STARD13: variants seen among roughly 807,000 people sequenced by gnomAD.
The protein encoded by STARD13 is StAR related lipid transfer domain containing 13, also known as stAR-related lipid transfer protein 13.
Under a neutral mutation model 106.4 loss-of-function variants are expected in STARD13, and 62 were observed. The ratio of observed to expected loss-of-function variants is 0.58; its 90% CI spans 0.48 to 0.72. The LOEUF is 0.72. Ranked by LOEUF, STARD13 falls within the 30% of genes least tolerant of loss-of-function variation. The pLI is 0.00. For missense variants in STARD13, 1,387 were observed against 1,424.0 expected (o/e 0.97, Z 0.42); for synonymous variants, 565 against 553.0 (o/e 1.02, Z -0.31).
chr13:33,607,553 C>T, the STARD13 span, among the ~76,000 whole-genome samples: 1 of 152,050 alleles, frequency 6.6e-6, no homozygotes, highest in Non-Finnish European at 1.5e-5. Context: ...GCCTCAGCCT[C>T]CCAAAGTGCT....
chr13:33,195,685 T>G (rs934312501), intron 1 of STARD13, among the ~76,000 whole-genome samples: 1 of 152,186 alleles, frequency 6.6e-6, no homozygotes, highest in Admixed American at 6.5e-5. Context: ...TAGGACTTAG[T>G]TCTTTAGACA....
chr13:33,299,294 G>A (rs1211821285), intron 1 of STARD13, among the ~76,000 whole-genome samples: 3 of 152,092 alleles, frequency 2.0e-5, no homozygotes, highest in Non-Finnish European at 2.9e-5. Context: ...TATACACTTA[G>A]GCATATTAAA....
At chr13:33,319,895 G>A (rs917726029) in intron 1 of STARD13, among the ~76,000 whole-genome samples, 3 of 152,222 alleles carry the variant, frequency 2.0e-5, no homozygotes, top group African/African-American at 7.2e-5. Flanking sequence ...AGGCTCTATA[G>A]CATGATACGG....
the STARD13 span, among the ~76,000 whole-genome samples, chr13:33,487,955 C>G: frequency 6.6e-6 from 1 of 152,178 alleles, no homozygotes; most frequent in African/African-American, 2.4e-5. Context: ...GGTCTGTTCT[C>G]TCAGTGCTGG....
the STARD13 span, among the ~76,000 whole-genome samples, chr13:33,397,287 C>T: frequency 6.6e-6 from 1 of 152,130 alleles, no homozygotes; most frequent in African/African-American, 2.4e-5. Flanking sequence ...GGAGCTAGTG[C>T]CTCTCTCAGG....
the STARD13 span, among the ~76,000 whole-genome samples, chr13:33,488,141 G>A: frequency 1.0e-3 from 159 of 152,068 alleles, no homozygotes; most frequent in African/African-American, 3.6e-3. Flanking sequence ...ATTCCCTAAG[G>A]TTCTGTCCTT....
chr13:33,399,406 A>G, the STARD13 span, among the ~76,000 whole-genome samples: 2 of 152,108 alleles, frequency 1.3e-5, no homozygotes, highest in Non-Finnish European at 2.9e-5. Flanking sequence ...TAATCTCTAA[A>G]GCATTAGGCC....
chr13:33,561,631 A>C, the STARD13 span, among the ~76,000 whole-genome samples: 236 of 120,456 alleles, frequency 2.0e-3, 40 homozygotes, highest in Admixed American at 0.016. Context: ...AATACCATGA[A>C]CAGCCGTGAA....
chr13:33,440,748 G>T, the STARD13 span, among the ~76,000 whole-genome samples: 1 of 135,076 alleles, frequency 7.4e-6, no homozygotes, highest in African/African-American at 2.8e-5. Flanking sequence ...CTCTTTCCTT[G>T]AGCTCCAGGA....
chr13:33,127,865 G>T (rs1877455403), intron 5 of STARD13, among the ~76,000 whole-genome samples: 1 of 101,114 alleles, frequency 9.9e-6, no homozygotes, highest in Non-Finnish European at 2.5e-5. Context: ...GTGTGAGTGA[G>T]TGTGTGTGTG....
intron 1 of STARD13, among the ~76,000 whole-genome samples, chr13:33,209,461 T>C (rs536671101): frequency 0.015 from 2,240 of 151,240 alleles, 55 homozygotes; most frequent in African/African-American, 0.048. Context: ...CTCTCTCTCT[T>C]TTTTTTTTCC....
chr13:33,313,317 T>G (rs1337017203), intron 1 of STARD13, among the ~76,000 whole-genome samples: 2 of 152,156 alleles, frequency 1.3e-5, no homozygotes, highest in East Asian at 3.8e-4. Flanking sequence ...AATTAAAAAT[T>G]AACAGGAACT....
At chr13:33,628,856 G>A in the STARD13 span, among the ~76,000 whole-genome samples, 1 of 152,194 alleles carries the variant, frequency 6.6e-6, no homozygotes, top group African/African-American at 2.4e-5. Context: ...CTTCACCAGA[G>A]TTCCAACCCT....
chr13:33,352,581 T>C (rs1423827299), upstream of STARD13, among the ~76,000 whole-genome samples: 1 of 152,206 alleles, frequency 6.6e-6, no homozygotes, highest in Non-Finnish European at 1.5e-5. Flanking sequence ...AATTGCACAT[T>C]TGTTTAGTTC....
At chr13:33,482,565 G>A in the STARD13 span, among the ~76,000 whole-genome samples, 3 of 152,054 alleles carry the variant, frequency 2.0e-5, no homozygotes, top group Non-Finnish European at 4.4e-5. Context: ...TTTCTTCCGT[G>A]TTTAACAATT....
intron 1 of STARD13, among the ~76,000 whole-genome samples, chr13:33,209,793 A>G (rs1859339163): frequency 1.3e-5 from 2 of 151,896 alleles, no homozygotes; most frequent in Non-Finnish European, 2.9e-5. Context: ...CAACACAGAG[A>G]CACCCTGTCT....
At chr13:33,538,219 T>C in the STARD13 span, among the ~76,000 whole-genome samples, 1 of 152,128 alleles carries the variant, frequency 6.6e-6, no homozygotes, top group East Asian at 1.9e-4. Flanking sequence ...CGAAGAAGGG[T>C]GCAGAAAATT....
chr13:33,315,241 C>T (rs981314784), intron 1 of STARD13, among the ~76,000 whole-genome samples: 16 of 152,262 alleles, frequency 1.1e-4, no homozygotes, highest in Admixed American at 7.2e-4. Context: ...TGATTCAGCA[C>T]GTGAAAGCTC....
chr13:33,602,744 T>C, the STARD13 span, among the ~76,000 whole-genome samples: 3 of 152,190 alleles, frequency 2.0e-5, no homozygotes, highest in Non-Finnish European at 2.9e-5. Flanking sequence ...TGTCAGAGCA[T>C]TGATGGCATT....
Sources: allele counts gnomAD v4.1 joint callset (sites outside exome capture counted in the v4.1 genomes callset), GRCh38; gene constraint gnomAD v4.1.1; transcripts MANE v1.5; gene names NCBI Gene and HGNC (gene_info 2026-07-23, HGNC 2026-07-21).